KLF17: variants seen among roughly 807,000 people sequenced by gnomAD.
The protein encoded by KLF17 is Krueppel-like factor 17.
KLF17 carries 31 observed loss-of-function variants against 34.2 expected under a neutral mutation model. The ratio of observed to expected loss-of-function variants is 0.91; its 90% confidence interval spans 0.68 to 1.22. The LOEUF is 1.22. KLF17 is among the 50% of genes most tolerant of loss of function. KLF17 has a pLI of 0.00. For synonymous variants in KLF17, 179 were observed against 186.7 expected (o/e 0.96, Z 0.34); for missense variants, 478 against 505.2 (o/e 0.95, Z 0.52).
At chr1:44,054,227 G>C in the KLF17 span, among the ~76,000 whole-genome samples, 24 of 152,240 alleles carry the variant, frequency 1.6e-4, no homozygotes, top group African/African-American at 5.5e-4. Context: ...AGCTACAAAA[G>C]GTAGCAATGG....
chr1:44,058,595 C>T, the KLF17 span, among the ~76,000 whole-genome samples: 18 of 150,664 alleles, frequency 1.2e-4, no homozygotes, highest in Non-Finnish European at 2.1e-4. Flanking sequence ...AGCCTCCCAT[C>T]GCCCTTTTAT....
At chr1:44,076,933 A>T in the KLF17 span, 2 of 136,568 alleles carry the variant, frequency 1.5e-5, no homozygotes, top group African/African-American at 5.6e-5. Context: ...GACAGGTCTT[A>T]CTATGTTGCT....
chr1:44,081,163 T>C, the KLF17 span, among the ~76,000 whole-genome samples: 2 of 148,684 alleles, frequency 1.3e-5, no homozygotes, highest in African/African-American at 5.0e-5. Context: ...GAGGCAGAGG[T>C]TGCAGTGAGC....
At chr1:44,087,761 TATATATATACACACACACAC>T in the KLF17 span, among the ~76,000 whole-genome samples, 1 of 56,442 alleles carries the variant, frequency 1.8e-5, no homozygotes, top group East Asian at 4.1e-4. Context: ...TATATATATA[TATATATATACACACACACAC>T]ACACACACAC....
At chr1:44,078,598 C>A in the KLF17 span, among the ~76,000 whole-genome samples, 1 of 151,998 alleles carries the variant, frequency 6.6e-6, no homozygotes, top group Admixed American at 6.6e-5. Context: ...CCAGTACGCC[C>A]GGCTAATTTT....
At chr1:44,065,565 A>G in the KLF17 span, among the ~76,000 whole-genome samples, 29 of 151,778 alleles carry the variant, frequency 1.9e-4, no homozygotes, top group African/African-American at 7.0e-4. Flanking sequence ...GAGCACCACC[A>G]CGCCAGGCTA....
chr1:44,097,935 T>G, the KLF17 span, among the ~76,000 whole-genome samples: 1 of 152,226 alleles, frequency 6.6e-6, no homozygotes, highest in Admixed American at 6.5e-5. Context: ...TTACATATGT[T>G]GAACCATCCT....
chr1:44,054,517 G>A, the KLF17 span, among the ~76,000 whole-genome samples: 1 of 119,852 alleles, frequency 8.3e-6, no homozygotes, highest in Admixed American at 1.2e-4. Flanking sequence ...GTCTTGCTCT[G>A]TCGCCCGGGC....
chr1:44,050,930 C>T, the KLF17 span: 1 of 151,934 alleles, frequency 6.6e-6, no homozygotes, highest in African/African-American at 2.4e-5. Context: ...AAAAAAAATC[C>T]TGTTTTCTTC....
At chr1:44,057,263 A>G in the KLF17 span, among the ~76,000 whole-genome samples, 2 of 152,164 alleles carry the variant, frequency 1.3e-5, 1 homozygote, top group Non-Finnish European at 2.9e-5. Context: ...AAGACTTAAC[A>G]GTCAATATAC....
At chr1:44,046,871 A>G in the KLF17 span, among the ~76,000 whole-genome samples, 1 of 152,054 alleles carries the variant, frequency 6.6e-6, no homozygotes, top group Non-Finnish European at 1.5e-5. Flanking sequence ...AAAAATACAA[A>G]AATTAGCTAG....
chr1:44,127,630 T>TTTTCTTTTCTTTCTTTTCTTTC (rs1553171622), intron 1 of KLF17, among the ~76,000 whole-genome samples: 19 of 46,004 alleles, frequency 4.1e-4, no homozygotes, highest in African/African-American at 1.1e-3. Context: ...TTTTCTTTTC[T>TTTTCTTTTCTTTCTTTTCTTTC]TTTCTTTCCT....
chr1:44,103,375 T>A, the KLF17 span: 2 of 756,358 alleles, frequency 2.6e-6, no homozygotes, highest in East Asian at 4.9e-5. Flanking sequence ...CAGGTCTGGA[T>A]CTTCTTCACA....
In KLF17 at chr1:44,130,682, C is replaced by T. The variant is rs369271264; in HGVS notation, c.1096C>T (p.Arg366Trp). 2.9e-5 allele frequency: 47 copies of T among 1,613,586 alleles called. No individual in the cohort carries two copies. The highest frequency in any genetic ancestry group is 1.6e-4 in the Middle Eastern group (1 of 6,084). ...DHLKQHQKTH[R>W]PGPSDPQANN... The stretch of plus-strand genomic sequence containing the variant: ...TCTCAAGCAACACCAGAAGACTCAT[C>T]GGCCGGGACCCTCAGACCCACAGGC... The change falls in exon 3 of 4, where the codon CGG becomes TGG. Residue 366 changes from arginine to tryptophan, a missense_variant. Physicochemically the swap from Arg to Trp is moderately radical, Grantham distance 101. Transcript: ENST00000372299.
the KLF17 span, among the ~76,000 whole-genome samples, chr1:44,100,126 G>T: frequency 6.9e-6 from 1 of 145,360 alleles, no homozygotes; most frequent in Non-Finnish European, 1.5e-5. Context: ...AAATTAGCTG[G>T]GCATGGTGGT....
chr1:44,046,390 T>A, the KLF17 span, among the ~76,000 whole-genome samples: 6 of 151,924 alleles, frequency 3.9e-5, no homozygotes. Context: ...GCTAATTTTT[T>A]AAAATTTTAT....
chr1:44,130,384 G>A, intron 2 of KLF17, 128 bp from the exon 3 acceptor site: 1 of 1,403,150 alleles, frequency 7.1e-7, no homozygotes, highest in South Asian at 1.3e-5. Context: ...ACTCCTGATT[G>A]TGTTGCCCCT....
chr1:44,057,720 T>A, the KLF17 span, among the ~76,000 whole-genome samples: 2 of 152,320 alleles, frequency 1.3e-5, no homozygotes, highest in South Asian at 4.1e-4. Context: ...TTCCCATGAC[T>A]CCTTACATTT....
chr1:44,101,075 T>G, the KLF17 span, among the ~76,000 whole-genome samples: 4 of 152,202 alleles, frequency 2.6e-5, no homozygotes, highest in African/African-American at 9.7e-5. Context: ...CTTTTTATTT[T>G]GAAATAATTT....
Sources: allele counts gnomAD v4.1 joint callset (sites outside exome capture counted in the v4.1 genomes callset), GRCh38; gene constraint gnomAD v4.1.1; transcripts MANE v1.5; gene names NCBI Gene and HGNC (gene_info 2026-07-23, HGNC 2026-07-21).